ARID1B: variants seen among roughly 807,000 people sequenced by gnomAD.
ARID1B encodes AT-rich interaction domain 1B.
ARID1B carries 30 observed loss-of-function variants against 212.3 expected under a neutral mutation model. The ratio of observed to expected loss-of-function variants is 0.14; its 90% CI spans 0.11 to 0.19. ARID1B has a LOEUF of 0.19. Among genes scored for constraint, ARID1B ranks in the 10% least tolerant of loss-of-function variants. The pLI, the probability that ARID1B is intolerant of heterozygous loss-of-function variation, is 1.00. For missense variants in ARID1B, 2,891 were observed against 3,204.0 expected, an observed-to-expected ratio of 0.90 and a Z score of 2.36; for synonymous variants, 1,402 against 1,301.7, an observed-to-expected ratio of 1.08 and a Z score of -1.66.
At chr6:156,904,132 A>G (rs1789169256) in intron 3 of ARID1B, among the ~76,000 whole-genome samples, 1 of 152,154 alleles carries the variant, frequency 6.6e-6, no homozygotes, top group Non-Finnish European at 1.5e-5. Flanking sequence ...AGTTTATTGT[A>G]TGTTTTTCTA....
chr6:156,996,885 G>A (rs1310021995), intron 4 of ARID1B, among the ~76,000 whole-genome samples: 1 of 152,172 alleles, frequency 6.6e-6, no homozygotes, highest in Non-Finnish European at 1.5e-5. Flanking sequence ...AATTGTTCAT[G>A]TTAGTAGATA....
At chr6:157,073,102 C>CTTT (rs869172647) in intron 4 of ARID1B, among the ~76,000 whole-genome samples, 11 of 138,842 alleles carry the variant, frequency 7.9e-5, no homozygotes, top group African/African-American at 1.6e-4. Context: ...TTCACCCCAT[C>CTTT]TTTTTTTTTT....
intron 4 of ARID1B, among the ~76,000 whole-genome samples, chr6:156,978,130 C>T (rs1381352876): frequency 1.3e-5 from 2 of 152,188 alleles, no homozygotes; most frequent in Non-Finnish European, 2.9e-5. Flanking sequence ...CAGGAGCGTT[C>T]TTGTTGGGTG....
At chr6:157,091,114 G>C (rs1785249877) in intron 5 of ARID1B, among the ~76,000 whole-genome samples, 1 of 152,204 alleles carries the variant, frequency 6.6e-6, no homozygotes, top group African/African-American at 2.4e-5. Flanking sequence ...CTTGGTCAGA[G>C]CTCGTCCTCC....
At position 157,207,051 on chromosome 6, in the gene ARID1B, C is replaced by A. The variant is rs1794519070; in HGVS notation, c.6279C>A (p.Gly2093=). The stretch of plus-strand genomic sequence containing the variant: ...ATGCCGAAATGTCCAAACATCCAGG[C>A]CTGGTGCTGATCCTGGGGAAGCTGA... ...GNDAEMSKHP[G]LVLILGKLIL... The change falls in exon 20 of 20, where the codon GGC becomes GGA. Residue 2093 remains glycine (G), a synonymous_variant. Transcript: ENST00000636930. The surrounding 1 kb of genome is among the most constrained non-coding windows in gnomAD (Gnocchi z 8.5). 1 of 1,614,180 alleles carries A rather than the reference C, an allele frequency of 6.2e-7. No individual in the cohort carries two copies. Among genetic ancestry groups the A allele is most frequent in the South Asian group, 1.1e-5 (1 of 91,078 alleles).
intron 4 of ARID1B, among the ~76,000 whole-genome samples, chr6:157,068,440 A>G (rs1320894766): frequency 6.6e-6 from 1 of 152,206 alleles, no homozygotes; most frequent in Non-Finnish European, 1.5e-5. Context: ...CCACAAGAAG[A>G]TACACTAAAT....
intron 4 of ARID1B, among the ~76,000 whole-genome samples, chr6:157,038,701 A>T (rs918594457): frequency 6.6e-6 from 1 of 152,208 alleles, no homozygotes; most frequent in Non-Finnish European, 1.5e-5. Context: ...TTTAATGCCC[A>T]GCATACATGT....
intron 4 of ARID1B, among the ~76,000 whole-genome samples, chr6:157,021,913 C>T (rs527610657): frequency 2.0e-5 from 3 of 152,348 alleles, no homozygotes; most frequent in South Asian, 2.1e-4. Context: ...GCGCCCCTAA[C>T]CTCTGCGTCC....
At chr6:156,883,063 TC>T (rs937100514) in intron 2 of ARID1B, among the ~76,000 whole-genome samples, 5 of 152,188 alleles carry the variant, frequency 3.3e-5, no homozygotes, top group African/African-American at 1.2e-4. Context: ...TTAGGTTTCT[TC>T]TGGCCTCCCT....
Position 156,829,284 on chromosome 6 carries a change from A to G in ARID1B, c.1849A>G (p.Asn617Asp), listed in dbSNP as rs1341903238. 1.1e-5 allele frequency: 17 copies of G among 1,614,240 alleles called. No individual in the cohort carries two copies. The highest frequency in any genetic ancestry group is 8.5e-7 in the Non-Finnish European group (1 of 1,180,044). Residue 617 changes from asparagine (N) to aspartate (D), a missense_variant, in exon 2 of 20, where the codon AAC becomes GAC. Coordinates refer to ENST00000636930, the MANE Select transcript of ARID1B (RefSeq NM_001374828.1). ...ACCTCAGTTGTATGGCATGGGCAGT[A>G]ACCCTCATTCTCAGCCTCAGCAGAG... ...KRPQLYGMGS[N>D]PHSQPQQSSP...
intron 7 of ARID1B, among the ~76,000 whole-genome samples, chr6:157,143,226 G>A (rs1359239658): frequency 1.3e-5 from 2 of 152,198 alleles, no homozygotes; most frequent in Non-Finnish European, 2.9e-5. Flanking sequence ...TCCAGCTGAG[G>A]TGGGCTGGCC....
chr6:157,012,975 G>A (rs1562548950), intron 4 of ARID1B, among the ~76,000 whole-genome samples: 1 of 152,188 alleles, frequency 6.6e-6, no homozygotes, highest in Admixed American at 6.5e-5. Flanking sequence ...TGCCTCCTGG[G>A]TTGAAGCAAT....
chr6:157,093,151 TAA>T (rs984281515), intron 5 of ARID1B, among the ~76,000 whole-genome samples: 3 of 152,174 alleles, frequency 2.0e-5, no homozygotes, highest in Admixed American at 1.3e-4. Flanking sequence ...AGCCTAGAAG[TAA>T]AAAGTTTCAA....
At chr6:156,791,482 A>G (rs1212135267) in intron 1 of ARID1B, among the ~76,000 whole-genome samples, 1 of 152,240 alleles carries the variant, frequency 6.6e-6, no homozygotes, top group Non-Finnish European at 1.5e-5. Context: ...GAGCTGTTCC[A>G]TTCTTAACCT....
At chr6:156,953,606 G>A (rs1182242533) in intron 4 of ARID1B, among the ~76,000 whole-genome samples, 1 of 152,124 alleles carries the variant, frequency 6.6e-6, no homozygotes, top group Non-Finnish European at 1.5e-5. Context: ...CTTCCCCCAG[G>A]AATATGAGAA....
At chr6:157,079,527 T>C (rs1457403850) in intron 4 of ARID1B, among the ~76,000 whole-genome samples, 1 of 152,200 alleles carries the variant, frequency 6.6e-6, no homozygotes, top group African/African-American at 2.4e-5. Context: ...TGTGAAGTAA[T>C]TTTACAGTGT....
intron 1 of ARID1B, among the ~76,000 whole-genome samples, chr6:156,802,833 A>G (rs1780880960): frequency 6.6e-6 from 1 of 152,356 alleles, no homozygotes; most frequent in South Asian, 2.1e-4. Context: ...ATAAGCAAAG[A>G]GGTGGATGAA....
chr6:157,198,846 G>T lies in ARID1B; in HGVS notation c.4418G>T (p.Gly1473Val). ...TATGGGCAGCAGTATCCAGGCCAAGGCCCTCCCTCGGGACAGCCGCCGTAT... is the reference window on the plus strand; with the variant it reads ...TATGGGCAGCAGTATCCAGGCCAAGTCCCTCCCTCGGGACAGCCGCCGTAT... ...EPYGQQYPGQGPPSGQPPYGG... is the reference protein window; with the variant it reads ...EPYGQQYPGQVPPSGQPPYGG... The change falls in exon 17 of 20, where the codon GGC becomes GTC. Residue 1473 changes from glycine to valine, a missense_variant. By Grantham distance (109) the Gly-to-Val change is moderately radical. This residue lies in a region of ARID1B where 666 missense variants were observed against 873.5 expected (regional missense o/e 0.76). Transcript: ENST00000636930. 6.2e-7 allele frequency: 1 copy of T among 1,611,814 alleles called. No homozygotes were observed. The highest frequency in any genetic ancestry group is 2.2e-5 in the East Asian group (1 of 44,832).
chr6:157,185,879 T>C (rs1300301376), intron 13 of ARID1B: 2 of 152,258 alleles, frequency 1.3e-5, no homozygotes, highest in African/African-American at 2.4e-5. Flanking sequence ...GTAGAAATCC[T>C]CGCTAACCTC....
Sources: allele counts gnomAD v4.1 joint callset (sites outside exome capture counted in the v4.1 genomes callset), GRCh38; gene constraint gnomAD v4.1.1; regional missense constraint gnomAD v4.1.1; non-coding constraint Gnocchi (gnomAD v3.1); transcripts MANE v1.5; gene names NCBI Gene and HGNC (gene_info 2026-07-23, HGNC 2026-07-21).